Variants in FECH observed in about 807,000 individuals in gnomAD.
FECH encodes the protein ferrochelatase, mitochondrial.
A neutral mutation model predicts 56.9 loss-of-function variants in FECH; 40 were observed. That is an observed-to-expected ratio of 0.70 (90% CI 0.55 to 0.92). The LOEUF is 0.92. Ranked by LOEUF, FECH falls within the 40% of genes least tolerant of loss-of-function variation. FECH has a pLI of 0.00. For missense variants in FECH, 431 were observed against 529.1 expected (o/e 0.81, Z 1.82); for synonymous variants, 175 against 198.6 (o/e 0.88, Z 1.00).
Position 57,566,442 on chromosome 18 carries a change from C to T in FECH, c.598+5G>A. 6.2e-7 allele frequency: 1 copy of T among 1,614,162 alleles called. No homozygotes were observed. Among genetic ancestry groups the T allele is most frequent in the Non-Finnish European group, 8.5e-7 (1 of 1,180,014 alleles). ...ACCTTTCCACTGTCAGAGAGATGCC[C>T]TTACCTGTGGTGGAGCAGCTGTACT... On this transcript the variant is annotated splice_donor_5th_base_variant and intron_variant, in intron 5 of 10. Coordinates refer to ENST00000262093, the MANE Select transcript of FECH (RefSeq NM_000140.5).
intron 9 of FECH, among the ~76,000 whole-genome samples, chr18:57,553,519 G>C (rs757635330): frequency 6.6e-6 from 1 of 152,120 alleles, no homozygotes; most frequent in African/African-American, 2.4e-5. Flanking sequence ...AGGGTTTCTT[G>C]GGTCCCAACG....
rs775784506 is a variant in FECH, at chr18:57,550,665, C to A, written c.*47G>T. The A allele has an allele frequency of 1.2e-6, 2 of 1,612,102 alleles. No individual in the cohort carries two copies. The highest frequency in any genetic ancestry group is 1.7e-6 in the Non-Finnish European group (2 of 1,178,662). On this transcript the variant is annotated 3_prime_UTR_variant, in exon 11 of 11. Transcript: ENST00000262093. Reference sequence around the variant, plus strand: ...AACACCCTCTCCACATCGGAGGTATCTGGAGGTTGGGCATTTGCCTAACGC... The same window carrying A: ...AACACCCTCTCCACATCGGAGGTATATGGAGGTTGGGCATTTGCCTAACGC...
At chr18:57,579,260 G>T (rs1462984229) in intron 2 of FECH, among the ~76,000 whole-genome samples, 2 of 63,980 alleles carry the variant, frequency 3.1e-5, no homozygotes, top group African/African-American at 1.3e-4. Flanking sequence ...AAAAAAAAAA[G>T]ATATATATAT....
chr18:57,558,912 C>A (rs577523716), intron 7 of FECH, among the ~76,000 whole-genome samples: 2 of 120,272 alleles, frequency 1.7e-5, no homozygotes, highest in Non-Finnish European at 3.6e-5. Flanking sequence ...CACAGCAAGA[C>A]TCTGTTTCAA....
chr18:57,545,932 T>C lies in FECH; in HGVS notation c.*4780A>G, dbSNP rs912003743. Among the ~76,000 whole-genome samples the C allele has an allele frequency of 3.9e-5, 6 of 152,214 alleles. No individual in the cohort carries two copies. Among genetic ancestry groups the C allele is most frequent in the African/African-American group, 1.2e-4 (5 of 41,452 alleles). On this transcript the variant is annotated 3_prime_UTR_variant, in exon 11 of 11. Transcript: ENST00000262093. ...ATGTAGTTAATAATACTTCAAGTAC[T>C]GTAGACAGTTGTCCTTCTATATTGG...
At chr18:57,582,936 G>A (rs577312738) in intron 1 of FECH, among the ~76,000 whole-genome samples, 3 of 151,530 alleles carry the variant, frequency 2.0e-5, no homozygotes, top group Non-Finnish European at 2.9e-5. Flanking sequence ...AGAAGGAAGC[G>A]GTGGGGAGGG....
intron 7 of FECH, among the ~76,000 whole-genome samples, chr18:57,556,910 CAAAAAAAAAAAAAAAAA>C (rs57650194): frequency 2.3e-5 from 1 of 44,370 alleles, no homozygotes; most frequent in African/African-American, 9.8e-5. Context: ...GACCCTGTCT[CAAAAAAAAAAAAAAAAA>C]AAAAAAAAAG....
chr18:57,552,046 G>C (rs962063623), intron 9 of FECH, among the ~76,000 whole-genome samples: 1 of 151,928 alleles, frequency 6.6e-6, no homozygotes, highest in Non-Finnish European at 1.5e-5. Flanking sequence ...ACCATGCCCA[G>C]CTAATTTTTG....
intron 7 of FECH, among the ~76,000 whole-genome samples, chr18:57,557,651 G>A (rs1422854436): frequency 6.6e-6 from 1 of 152,158 alleles, no homozygotes; most frequent in Admixed American, 6.5e-5. Flanking sequence ...CAAAAAATTA[G>A]CCAGGCGTGG....
chr18:57,562,842 G>A (rs956688049), intron 6 of FECH, 32 bp downstream of exon 6: 3 of 1,551,976 alleles, frequency 1.9e-6, no homozygotes, highest in East Asian at 2.2e-5. Context: ...CTAGATGCTG[G>A]GGTGACAGGC....
At chr18:57,583,635 T>G (rs1475166121) in intron 1 of FECH, among the ~76,000 whole-genome samples, 1 of 152,140 alleles carries the variant, frequency 6.6e-6, no homozygotes. Flanking sequence ...CTGCCCCTCC[T>G]CCTTACATGG....
intron 4 of FECH, among the ~76,000 whole-genome samples, chr18:57,570,025 TTGTTGTCGTGTGTG>T (rs771652411): frequency 4.4e-5 from 5 of 113,402 alleles, no homozygotes; most frequent in Admixed American, 9.3e-5. Flanking sequence ...GTTGTTGTTG[TTGTTGTCGTGTGTG>T]TGTGTGTGTG....
intron 5 of FECH, among the ~76,000 whole-genome samples, chr18:57,565,779 A>C (rs1332808947): frequency 6.6e-6 from 1 of 152,246 alleles, no homozygotes; most frequent in Non-Finnish European, 1.5e-5. Context: ...TGCTGACTTC[A>C]ATCCTTGCAA....
chr18:57,561,332 G>A (rs999440284), intron 6 of FECH, among the ~76,000 whole-genome samples: 3 of 152,172 alleles, frequency 2.0e-5, no homozygotes, highest in African/African-American at 7.2e-5. Context: ...TTCCAAAAAT[G>A]TCATATCGTA....
chr18:57,575,528 G>A (rs770677235), intron 2 of FECH, among the ~76,000 whole-genome samples: 4 of 151,980 alleles, frequency 2.6e-5, no homozygotes, highest in South Asian at 4.1e-4. Flanking sequence ...CTGCATCCTC[G>A]ACCTCCCGGG....
chr18:57,556,006 A>G (rs1234632221), intron 7 of FECH, among the ~76,000 whole-genome samples: 3 of 152,162 alleles, frequency 2.0e-5, no homozygotes, highest in African/African-American at 7.2e-5. Flanking sequence ...GCGCACACCT[A>G]TAATTCCAGC....
chr18:57,551,732 A>G (rs570572139), intron 9 of FECH, among the ~76,000 whole-genome samples: 1 of 151,798 alleles, frequency 6.6e-6, no homozygotes, highest in East Asian at 1.9e-4. Flanking sequence ...AATTTTACAG[A>G]CTCTTCCTAA....
chr18:57,550,907 C>T lies in FECH; in HGVS notation c.1138-61G>A, dbSNP rs12957678. 0.12 allele frequency: 188,893 copies of T among 1,606,718 alleles called. 12,650 individuals are homozygous for T. The highest frequency in any genetic ancestry group is 0.14 in the Non-Finnish European group (162,736 of 1,177,258). On this transcript the variant is annotated intron_variant, in intron 10 of 10. Transcript: ENST00000262093. ...GCACAGGGTCTGCTCGTCTGCCATG[C>T]CCCCTCCTCCAGCTGCCCAGGTCAG...
intron 3 of FECH, among the ~76,000 whole-genome samples, chr18:57,572,449 T>C (rs2051123580): frequency 7.5e-6 from 1 of 133,804 alleles, no homozygotes; most frequent in South Asian, 2.3e-4. Flanking sequence ...CATTAGGAGA[T>C]ATACCTAATG....
Sources: gnomAD v4.1 joint callset for allele counts (sites outside exome capture counted in the v4.1 genomes callset) on GRCh38, gnomAD v4.1.1 for gene constraint, MANE v1.5 for transcripts, NCBI Gene and HGNC (gene_info 2026-07-23, HGNC 2026-07-21) for gene names.